HS6ST3: variants seen among roughly 807,000 people sequenced by gnomAD.
The protein encoded by HS6ST3 is heparan-sulfate 6-O-sulfotransferase 3.
HS6ST3 carries 12 observed loss-of-function variants against 36.7 expected under a neutral mutation model. That is an observed-to-expected ratio of 0.33 (90% CI 0.21 to 0.53). The LOEUF (loss-of-function observed/expected upper bound fraction) is 0.53. Among genes scored for constraint, HS6ST3 ranks in the 20% least tolerant of loss-of-function variants. The probability of loss-of-function intolerance (pLI) is 0.95; values close to 1 mark genes in which losing one functional copy is unlikely to be tolerated. For synonymous variants in HS6ST3, 240 were observed against 257.5 expected (o/e 0.93, Z 0.65); for missense variants, 584 against 640.9 (o/e 0.91, Z 0.96).
intron 1 of HS6ST3, among the ~76,000 whole-genome samples, chr13:96,505,419 A>G (rs1333552543): frequency 1.3e-5 from 2 of 152,168 alleles, no homozygotes; most frequent in African/African-American, 4.8e-5. Context: ...GGATTCTCAA[A>G]GTATAACTCA....
intron 1 of HS6ST3, among the ~76,000 whole-genome samples, chr13:96,576,868 C>T (rs1242385945): frequency 1.4e-5 from 2 of 142,572 alleles, no homozygotes; most frequent in Admixed American, 7.9e-5. Flanking sequence ...CGCTTGAACC[C>T]AGGAGGCAAA....
chr13:96,613,601 A>G (rs2056463536), intron 1 of HS6ST3, among the ~76,000 whole-genome samples: 1 of 152,206 alleles, frequency 6.6e-6, no homozygotes, highest in Admixed American at 6.5e-5. Context: ...AAAAATTCAA[A>G]GTTTGTTTTA....
chr13:96,424,765 A>C (rs1209293061), intron 1 of HS6ST3, among the ~76,000 whole-genome samples: 1 of 152,152 alleles, frequency 6.6e-6, no homozygotes, highest in Non-Finnish European at 1.5e-5. Context: ...TACACTGCAC[A>C]TTAGGAATTA....
At chr13:96,467,193 A>G (rs2055818343) in intron 1 of HS6ST3, among the ~76,000 whole-genome samples, 1 of 152,082 alleles carries the variant, frequency 6.6e-6, no homozygotes, top group Admixed American at 6.6e-5. Flanking sequence ...AGAAGTTTCA[A>G]AGTTTGATTA....
intron 1 of HS6ST3, among the ~76,000 whole-genome samples, chr13:96,326,234 A>G (rs1306552878): frequency 6.6e-6 from 1 of 150,826 alleles, no homozygotes; most frequent in Non-Finnish European, 1.5e-5. Flanking sequence ...TGTGCAGGTT[A>G]GTTACATATG....
At chr13:96,422,810 A>G (rs2055568251) in intron 1 of HS6ST3, among the ~76,000 whole-genome samples, 1 of 152,228 alleles carries the variant, frequency 6.6e-6, no homozygotes, top group African/African-American at 2.4e-5. Context: ...CAAAGGCAAT[A>G]ATAAAAAATA....
chr13:96,542,211 T>C (rs2056181231), intron 1 of HS6ST3, among the ~76,000 whole-genome samples: 1 of 152,200 alleles, frequency 6.6e-6, no homozygotes. Context: ...ATTTGTAGCA[T>C]TACTGGACTG....
At chr13:96,145,053 G>T (rs548977810) in intron 1 of HS6ST3, among the ~76,000 whole-genome samples, 14 of 144,944 alleles carry the variant, frequency 9.7e-5, no homozygotes, top group African/African-American at 3.1e-4. Flanking sequence ...ATCATTGTTG[G>T]ACATTTGGGT....
At chr13:96,659,572 G>A (rs545475721) in intron 1 of HS6ST3, among the ~76,000 whole-genome samples, 4 of 151,604 alleles carry the variant, frequency 2.6e-5, no homozygotes, top group Non-Finnish European at 5.9e-5. Flanking sequence ...ATAGATTTCT[G>A]TCCTAAGGTA....
At chr13:96,573,613 AGCAC>A (rs1198044208) in intron 1 of HS6ST3, 2 of 218,562 alleles carry the variant, frequency 9.2e-6, no homozygotes, top group Non-Finnish European at 1.8e-5. Flanking sequence ...CTAGAACTCG[AGCAC>A]CCAATCAGGA....
intron 1 of HS6ST3, among the ~76,000 whole-genome samples, chr13:96,734,135 C>A (rs974557659): frequency 8.7e-4 from 132 of 152,288 alleles, no homozygotes; most frequent in African/African-American, 3.0e-3. Context: ...TTCACTCAGA[C>A]CCCAAGCTCC....
At chr13:96,410,296 T>C (rs1164850207) in intron 1 of HS6ST3, among the ~76,000 whole-genome samples, 3 of 152,136 alleles carry the variant, frequency 2.0e-5, no homozygotes, top group Middle Eastern at 3.4e-3. Context: ...GAAGTTTTTA[T>C]AAATCAATAG....
chr13:96,767,088 C>T (rs188678656), intron 1 of HS6ST3, among the ~76,000 whole-genome samples: 109 of 152,322 alleles, frequency 7.2e-4, no homozygotes, highest in Non-Finnish European at 1.4e-3. Flanking sequence ...AACTGTCAGA[C>T]TACAGTGACT....
intron 1 of HS6ST3, among the ~76,000 whole-genome samples, chr13:96,650,906 C>T (rs2056605058): frequency 6.6e-6 from 1 of 152,106 alleles, no homozygotes; most frequent in Non-Finnish European, 1.5e-5. Flanking sequence ...TCCCTTTTAA[C>T]TTTAGTCTGT....
Position 96,832,806 on chromosome 13 carries a change from A to G in HS6ST3, c.1024A>G (p.Lys342Glu), listed in dbSNP as rs1265637589. Residue 342 changes from lysine to glutamate, a missense_variant, in exon 2 of 2, where the codon AAG becomes GAG. By Grantham distance (56) the Lys-to-Glu change is moderately conservative. Coordinates refer to ENST00000376705, the MANE Select transcript of HS6ST3 (RefSeq NM_153456.4). ...ERNTILLQSA[K>E]NNLKNMAFFG... ...AAACACCATCCTGTTGCAGAGTGCA[A>G]AGAACAACCTGAAGAACATGGCCTT... The G allele has an allele frequency of 6.2e-7, 1 of 1,614,072 alleles. No individual in the cohort carries two copies. The highest frequency in any genetic ancestry group is 1.3e-5 in the African/African-American group (1 of 74,932).
At chr13:96,730,524 C>G (rs1876122883) in intron 1 of HS6ST3, among the ~76,000 whole-genome samples, 1 of 152,124 alleles carries the variant, frequency 6.6e-6, no homozygotes, top group Non-Finnish European at 1.5e-5. Flanking sequence ...TCGTGTGTGA[C>G]ACACTTTTTT....
chr13:96,299,669 G>A lies in HS6ST3; in HGVS notation c.707+208100G>A, dbSNP rs556555103. Among the ~76,000 whole-genome samples, 13 of 152,266 alleles carry A rather than the reference G, an allele frequency of 8.5e-5. No homozygotes were observed. In the South Asian group the frequency reaches 2.5e-3, roughly 29 times the overall value. On this transcript the variant is annotated intron_variant, in intron 1 of 1. Coordinates refer to ENST00000376705, the MANE Select transcript of HS6ST3 (RefSeq NM_153456.4). ...GGATAAGTGATATATTTGCACTTTA[G>A]CATGAAGTCTACCAGGAGTCCATGA... is the stretch of plus-strand genomic sequence containing the variant.
intron 1 of HS6ST3, among the ~76,000 whole-genome samples, chr13:96,715,098 C>A (rs1388110910): frequency 6.6e-6 from 1 of 151,934 alleles, no homozygotes; most frequent in Non-Finnish European, 1.5e-5. Flanking sequence ...ATTGTAATCA[C>A]AAATACTATA....
chr13:96,635,238 A>G (rs1413484962), intron 1 of HS6ST3, among the ~76,000 whole-genome samples: 1 of 141,310 alleles, frequency 7.1e-6, no homozygotes, highest in African/African-American at 2.6e-5. Flanking sequence ...TTCAATGCCC[A>G]TCTTTTTCAT....
Sources: gnomAD v4.1 joint callset for allele counts (sites outside exome capture counted in the v4.1 genomes callset) on GRCh38, gnomAD v4.1.1 for gene constraint, MANE v1.5 for transcripts, NCBI Gene and HGNC (gene_info 2026-07-23, HGNC 2026-07-21) for gene names.